CHI3L2: variants seen among roughly 807,000 people sequenced by gnomAD.
CHI3L2 encodes chitinase 3 like 2, also known as chitinase-3-like protein 2.
In CHI3L2, 47 loss-of-function variants were observed where a neutral mutation model predicts 47.3. That is an observed-to-expected ratio of 0.99 (90% CI 0.79 to 1.27). The LOEUF (loss-of-function observed/expected upper bound fraction) is 1.27, where lower values mean the gene tolerates loss of function less well. Ranked by LOEUF, CHI3L2 falls within the 50% of genes most tolerant of loss-of-function variation. CHI3L2 has a pLI of 0.00. For synonymous variants in CHI3L2, 198 were observed against 169.9 expected, an observed-to-expected ratio of 1.17 and a Z score of -1.28; for missense variants, 497 against 462.1, an observed-to-expected ratio of 1.08 and a Z score of -0.69.
At chr1:111,240,801 G>A (rs909817037) in intron 8 of CHI3L2, among the ~76,000 whole-genome samples, 1 of 152,178 alleles carries the variant, frequency 6.6e-6, no homozygotes, top group African/African-American at 2.4e-5. Flanking sequence ...CCAGGACAGG[G>A]CATATTGGAT....
Position 111,237,248 on chromosome 1 carries a change from A to G in CHI3L2, c.735+1095A>G, listed in dbSNP as rs1659911960. Among the ~76,000 whole-genome samples the G allele has an allele frequency of 3.9e-5, 6 of 152,348 alleles. No individual in the cohort carries two copies. The South Asian group carries it at 1.2e-3, about 32-fold the overall frequency. On this transcript the variant is annotated intron_variant, in intron 7 of 10. Transcript: ENST00000369748. ...TTGTTTCTAAAAAGGGCTGTTAATC[A>G]TCTTTGTTTCAAAGCTAACCTAGAG...
intron 4 of CHI3L2, among the ~76,000 whole-genome samples, chr1:111,233,861 G>T (rs536151461): frequency 7.1e-4 from 108 of 152,298 alleles, no homozygotes; most frequent in African/African-American, 2.5e-3. Flanking sequence ...AAATTCTTCT[G>T]CCTTGGGATC....
At chr1:111,242,201 T>C (rs753118842) in intron 9 of CHI3L2, 26 bp from the exon 10 acceptor site, 1 of 1,614,008 alleles carries the variant, frequency 6.2e-7, no homozygotes, top group South Asian at 1.1e-5. Flanking sequence ...TTCGAATCTC[T>C]GTGTATCCTT....
intron 4 of CHI3L2, 120 bp downstream of exon 4, chr1:111,231,414 G>A (rs554092021): frequency 2.2e-4 from 159 of 721,382 alleles, no homozygotes; most frequent in Non-Finnish European, 3.2e-4. Flanking sequence ...TTGGCCAGGT[G>A]GCAAAACTGA....
intron 8 of CHI3L2, among the ~76,000 whole-genome samples, chr1:111,240,313 A>C (rs1367038265): frequency 1.3e-5 from 2 of 152,184 alleles, no homozygotes; most frequent in Non-Finnish European, 2.9e-5. Flanking sequence ...CACATCATCA[A>C]TTCAATTGGC....
chr1:111,229,151 T>C (rs1271825771), intron 1 of CHI3L2, among the ~76,000 whole-genome samples: 2 of 152,208 alleles, frequency 1.3e-5, no homozygotes, highest in Non-Finnish European at 2.9e-5. Flanking sequence ...ATAAACTATA[T>C]GGTCACCCTA....
chr1:111,229,448 C>T (rs901686613), intron 1 of CHI3L2, among the ~76,000 whole-genome samples: 2 of 151,596 alleles, frequency 1.3e-5, no homozygotes, highest in African/African-American at 2.4e-5. Flanking sequence ...TTTGGGAGGC[C>T]GAGGCGGGCG....
Position 111,230,861 on chromosome 1 carries a change from GCC to G in CHI3L2, c.191_192del (p.Ala64GlufsTer14), listed in dbSNP as rs776761172. ...FLCSHLIYSF[A>X]SIENNKVIIK... is the part of the protein sequence containing the mutation. ...ATGCTCTCATCTCATCTATTCATTC[GCC>G]AGCATCGAAAACAACAAGGTTATCA... is the stretch of plus-strand genomic sequence containing the variant. On this transcript the variant is annotated frameshift_variant, in exon 3 of 11. Transcript: ENST00000369748. LOFTEE classifies it high-confidence loss of function. 1.2e-6 allele frequency: 2 copies of G among 1,613,930 alleles called. No homozygotes were observed. Among genetic ancestry groups the G allele is most frequent in the South Asian group, 2.2e-5 (2 of 91,056 alleles).
intron 2 of CHI3L2, among the ~76,000 whole-genome samples, chr1:111,230,429 T>C (rs7411681): frequency 2.6e-5 from 4 of 152,226 alleles, no homozygotes; most frequent in Non-Finnish European, 5.9e-5. Context: ...AATTTTTAAA[T>C]TTTTTGTAGA....
intron 8 of CHI3L2, among the ~76,000 whole-genome samples, 175 bp from the exon 9 acceptor site, chr1:111,241,152 C>T (rs1338638572): frequency 1.3e-5 from 2 of 152,154 alleles, no homozygotes; most frequent in African/African-American, 2.4e-5. Flanking sequence ...TAGAGGTTCA[C>T]CTTGGAACAC....
At position 111,236,235 on chromosome 1, in the gene CHI3L2, G is replaced by C. The variant is rs185202010; in HGVS notation, c.735+82G>C. ...GTCCAGCATGTCTAGAGTTACTTCTGTCTTGAACTGAGGAAGAGCTATGAG... is the reference window on the plus strand; with the variant it reads ...GTCCAGCATGTCTAGAGTTACTTCTCTCTTGAACTGAGGAAGAGCTATGAG... On this transcript the variant is annotated intron_variant, in intron 7 of 10. Transcript: ENST00000369748. 186 of 1,454,066 alleles carry C rather than the reference G, an allele frequency of 1.3e-4. No individual in the cohort carries two copies. The African/African-American group carries it at 2.1e-3, about 16-fold the overall frequency. 90.1% of individuals were successfully genotyped at this position (1,454,066 alleles called of 1,614,324 possible).
rs1169327600 is a variant in CHI3L2, at chr1:111,231,256, T to C, written c.291T>C (p.Ile97=). 1 of 1,611,804 alleles carries C rather than the reference T, an allele frequency of 6.2e-7. No homozygotes were observed. The highest frequency in any genetic ancestry group is 8.5e-7 in the Non-Finnish European group (1 of 1,178,216). The change falls in exon 4 of 11, where the codon ATT becomes ATC. Residue 97 remains isoleucine, a synonymous_variant. Coordinates refer to ENST00000369748, the MANE Select transcript of CHI3L2 (RefSeq NM_004000.3). ...SLKTKNPKLK[I]LLSIGGYLFG... ...ACTTCAGGAATCCCAAACTGAAAAT[T>C]CTCTTGTCCATTGGAGGGTACCTGT...
At chr1:111,229,698 A>AAAAAAAAAAAAAAC (rs1467856819) in intron 1 of CHI3L2, 154 bp from the exon 2 acceptor site, 1 of 1,109,588 alleles carries the variant, frequency 9.0e-7, no homozygotes, top group Non-Finnish European at 1.1e-6. Flanking sequence ...AAAAAAAAAA[A>AAAAAAAAAAAAAAC]AAAAAAAGAA....
At chr1:111,241,510 A>G (rs1660057257) in intron 9 of CHI3L2, 67 bp downstream of exon 9, 5 of 832,814 alleles carry the variant, frequency 6.0e-6, no homozygotes. Context: ...ATGCCTGAAT[A>G]CTCTATGTTC....
rs1036818637 is a variant in CHI3L2 at position 111,243,309 on chromosome 1, G to A, written c.*95G>A. 27 of 453,172 alleles carry A rather than the reference G, an allele frequency of 6.0e-5. No individual in the cohort carries two copies. In the East Asian group the frequency reaches 1.4e-3, roughly 23 times the overall value. 28.1% of individuals were successfully genotyped at this position (453,172 alleles called of 1,614,324 possible). ...CATGTGGGATTCCCCTTGCCAGGCT[G>A]GCCTTTGGATCTCTCTTCCAAGCCT... On this transcript the variant is annotated 3_prime_UTR_variant, in exon 11 of 11. Coordinates refer to ENST00000369748, the MANE Select transcript of CHI3L2 (RefSeq NM_004000.3).
chr1:111,235,044 C>T lies in CHI3L2; in HGVS notation c.467C>T (p.Thr156Ile). 6.2e-7 allele frequency: 1 copy of T among 1,613,952 alleles called. No homozygotes were observed. The highest frequency in any genetic ancestry group is 8.5e-7 in the Non-Finnish European group (1 of 1,180,014). Reference protein sequence around the residue: ...YPDQKENTHFTVLIHELAEAF... With the variant: ...YPDQKENTHFIVLIHELAEAF... The stretch of plus-strand genomic sequence containing the variant: ...GATCAGAAAGAAAACACTCATTTCA[C>T]TGTGCTGATTCATGTAAGTCATGAA... The change falls in exon 5 of 11, where the codon ACT (threonine) becomes ATT (isoleucine). Residue 156 changes from threonine (T) to isoleucine (I), a missense_variant. Thr to Ile is a moderately conservative substitution (Grantham distance 89). Transcript: ENST00000369748.
At chr1:111,236,412 A>T (rs1659890120) in intron 7 of CHI3L2, among the ~76,000 whole-genome samples, 1 of 152,182 alleles carries the variant, frequency 6.6e-6, no homozygotes, top group African/African-American at 2.4e-5. Context: ...CCCCCATCCC[A>T]GTCTTCTCTG....
In CHI3L2 at chr1:111,236,186, G is replaced by C. The variant is rs1210725195; in HGVS notation, c.735+33G>C. 3.1e-6 allele frequency: 5 copies of C among 1,611,682 alleles called. No homozygotes were observed. In the South Asian group the frequency reaches 5.5e-5, roughly 18 times the overall value. On this transcript the variant is annotated intron_variant, in intron 7 of 10. Coordinates refer to ENST00000369748, the MANE Select transcript of CHI3L2 (RefSeq NM_004000.3). ...GGCCAGGGGAACCGCAGGGGTACTG[G>C]CTGTGGGGGTGGGGCTGGGGAGAGT...
intron 4 of CHI3L2, among the ~76,000 whole-genome samples, chr1:111,231,708 G>A (rs899175921): frequency 1.3e-5 from 2 of 152,220 alleles, no homozygotes; most frequent in Admixed American, 1.3e-4. Context: ...GCCCCACCAT[G>A]GCCCATAGCA....
Sources: allele counts gnomAD v4.1 joint callset (sites outside exome capture counted in the v4.1 genomes callset), GRCh38; gene constraint gnomAD v4.1.1; transcripts MANE v1.5; gene names NCBI Gene and HGNC (gene_info 2026-07-23, HGNC 2026-07-21).